The following FLACC1 variants were observed in gnomAD, a reference collection of about 807,000 sequenced individuals.
The protein encoded by FLACC1 is flagellum associated containing coiled-coil domains 1, also known as flagellum-associated coiled-coil domain-containing protein 1.
FLACC1 carries 66 observed loss-of-function variants against 62.8 expected under a neutral mutation model. The observed-to-expected ratio is 1.05, with a 90% CI of 0.86 to 1.29. The LOEUF (loss-of-function observed/expected upper bound fraction) is 1.29. FLACC1 is among the 50% of genes most tolerant of loss of function. The probability of loss-of-function intolerance (pLI) is 0.00; values close to 1 mark genes in which losing one functional copy is unlikely to be tolerated. For synonymous variants in FLACC1, 156 were observed against 161.0 expected, an observed-to-expected ratio of 0.97 and a Z score of 0.24; for missense variants, 452 against 489.1, an observed-to-expected ratio of 0.92 and a Z score of 0.71.
chr2:201,306,706 T>TG (rs1218508698), intron 11 of FLACC1, among the ~76,000 whole-genome samples: 1 of 152,204 alleles, frequency 6.6e-6, no homozygotes, highest in East Asian at 1.9e-4. Context: ...TTAAAGCTTC[T>TG]GTATATCGAA....
chr2:201,329,017 T>G (rs951769200), intron 9 of FLACC1, among the ~76,000 whole-genome samples: 1 of 152,208 alleles, frequency 6.6e-6, no homozygotes, highest in Admixed American at 6.5e-5. Flanking sequence ...AATTCTCTCC[T>G]GTCCCTTTGT....
chr2:201,312,696 T>C (rs1241957516), intron 9 of FLACC1, among the ~76,000 whole-genome samples: 1 of 152,078 alleles, frequency 6.6e-6, no homozygotes, highest in African/African-American at 2.4e-5. Flanking sequence ...GCTACAGAGA[T>C]GGTGGACGGG....
In FLACC1 at chr2:201,288,559, T is replaced by C; in HGVS notation, c.*96A>G. On this transcript the variant is annotated 3_prime_UTR_variant, in exon 15 of 15. Transcript: ENST00000392257. ...CAGAGCAACCCAAGAACTAAACTCA[T>C]TATATGCATTTTCTCAAGAAAACCC... is the stretch of plus-strand genomic sequence containing the variant. 6.9e-7 allele frequency: 1 copy of C among 1,453,332 alleles called. No individual in the cohort carries two copies. Among genetic ancestry groups the C allele is most frequent in the South Asian group, 1.3e-5 (1 of 76,580 alleles). 90.0% of individuals were successfully genotyped at this position (1,453,332 alleles called of 1,614,324 possible). A position where few individuals can be genotyped will look rare whatever the true frequency, so the allele number is the denominator to read the frequency against.
At chr2:201,354,441 A>T (rs1051805550) in intron 1 of FLACC1, among the ~76,000 whole-genome samples, 26 of 152,192 alleles carry the variant, frequency 1.7e-4, no homozygotes, top group Non-Finnish European at 3.8e-4. Flanking sequence ...GGTCAGGGCT[A>T]GAAAGGAGTC....
At chr2:201,332,292 A>G (rs2125595503) in intron 7 of FLACC1, among the ~76,000 whole-genome samples, 1 of 151,672 alleles carries the variant, frequency 6.6e-6, no homozygotes, top group South Asian at 2.1e-4. Flanking sequence ...TCTGTCCCCC[A>G]GGCTGGAGTG....
chr2:201,356,804 G>T (rs1244725785), intron 1 of FLACC1, among the ~76,000 whole-genome samples, 178 bp downstream of exon 1: 1 of 132,426 alleles, frequency 7.6e-6, no homozygotes, highest in Non-Finnish European at 1.7e-5. Flanking sequence ...GTGTGAGTGT[G>T]TGTAAGGATT....
intron 12 of FLACC1, among the ~76,000 whole-genome samples, chr2:201,295,195 G>A (rs571105333): frequency 9.9e-5 from 15 of 152,222 alleles, no homozygotes; most frequent in East Asian, 9.6e-4. Flanking sequence ...AAAAGAGCCC[G>A]CATTGCCAAG....
rs575797470 is a variant in FLACC1, at chr2:201,314,461, T to G, written c.676-5211A>C. On this transcript the variant is annotated intron_variant, in intron 9 of 14. Transcript: ENST00000392257. ...AGAACTCAGAGCCTGAAGACAAGGT[T>G]TTTGAATTAACCCAATCCAACAAAG... Among the ~76,000 whole-genome samples the G allele has an allele frequency of 4.6e-5, 7 of 152,266 alleles. No homozygotes were observed. The East Asian group carries it at 1.4e-3, about 29-fold the overall frequency.
In FLACC1 at chr2:201,344,066, C is replaced by A. The variant is rs1272658651; in HGVS notation, c.462+104G>T. The A allele has an allele frequency of 4.0e-5, 38 of 951,422 alleles. No individual in the cohort carries two copies. In the East Asian group the frequency reaches 9.1e-4, roughly 23 times the overall value. 58.9% of individuals were successfully genotyped at this position (951,422 alleles called of 1,614,324 possible). On this transcript the variant is annotated intron_variant, in intron 6 of 14. Coordinates refer to ENST00000392257, the MANE Select transcript of FLACC1 (RefSeq NM_001127391.3). ...GGGTCCTGTCACCTGGACAACATGG[C>A]TCATATGAGTAAAGTGCTTGGCATT...
chr2:201,297,127 G>A (rs1388347501), intron 12 of FLACC1, among the ~76,000 whole-genome samples: 8 of 152,098 alleles, frequency 5.3e-5, no homozygotes, highest in Non-Finnish European at 1.2e-4. Context: ...GACAATTTGG[G>A]GGCTAAATCT....
intron 14 of FLACC1, 69 bp from the exon 15 acceptor site, chr2:201,288,850 T>C (rs1949655721): frequency 1.9e-6 from 3 of 1,557,044 alleles, no homozygotes; most frequent in East Asian, 2.3e-5. Flanking sequence ...ATATTTGGAG[T>C]GCAGGGAGAG....
chr2:201,297,361 G>A (rs1383405899), intron 12 of FLACC1, among the ~76,000 whole-genome samples: 1 of 152,074 alleles, frequency 6.6e-6, no homozygotes, highest in Non-Finnish European at 1.5e-5. Flanking sequence ...GAAGATAAGT[G>A]GGGCCTGGGA....
chr2:201,330,518 C>A lies in FLACC1; in HGVS notation c.627G>T (p.Glu209Asp), dbSNP rs1240395554. 2 of 1,613,746 alleles carry A rather than the reference C, an allele frequency of 1.2e-6. No individual in the cohort carries two copies. The highest frequency in any genetic ancestry group is 1.1e-5 in the South Asian group (1 of 91,022). ...EKLAAQEKLE[E>D]MGKEYKYLKN... ...TCAAATACTTGTATTCTTTTCCCAT[C>A]TCCTCTGGATAAAAGGAAAACAACA... The change falls in exon 9 of 15, where the codon GAG (glutamate) becomes GAT (aspartate). Residue 209 changes from glutamate (E) to aspartate (D), a missense_variant. By Grantham distance (45) the Glu-to-Asp change is conservative (BLOSUM62 2). Around this residue, in one of 3 missense-constraint regions of FLACC1, gnomAD observed 301 missense variants for 318.4 expected, o/e 0.95. Transcript: ENST00000392257.
chr2:201,355,071 C>T (rs542926107), intron 1 of FLACC1, among the ~76,000 whole-genome samples: 2 of 152,146 alleles, frequency 1.3e-5, no homozygotes, highest in East Asian at 1.9e-4. Context: ...GATCACTTGA[C>T]GCCAGGAGTT....
chr2:201,360,536 A>G (rs2125632858), upstream of FLACC1, among the ~76,000 whole-genome samples: 1 of 152,292 alleles, frequency 6.6e-6, no homozygotes, highest in South Asian at 2.1e-4. Flanking sequence ...GAAGCTTGTA[A>G]TTATCTCCAA....
chr2:201,294,110 C>T (rs534853185), intron 12 of FLACC1, among the ~76,000 whole-genome samples: 20 of 152,314 alleles, frequency 1.3e-4, no homozygotes, highest in African/African-American at 4.3e-4. Context: ...GGAGCTGGTA[C>T]CATTCCTTTG....
At chr2:201,299,167 A>G in intron 12 of FLACC1, 71 bp downstream of exon 12, 1 of 1,392,700 alleles carries the variant, frequency 7.2e-7, no homozygotes, top group South Asian at 1.2e-5. Context: ...ATTCCATTAT[A>G]CTGACAGCTT....
chr2:201,320,668 G>A (rs920841497), intron 9 of FLACC1, among the ~76,000 whole-genome samples: 1 of 152,114 alleles, frequency 6.6e-6, no homozygotes, highest in South Asian at 2.1e-4. Context: ...GCTTCCACAG[G>A]GGCTGCTGCT....
At chr2:201,338,377 T>G (rs144008218) in intron 7 of FLACC1, among the ~76,000 whole-genome samples, 95 of 152,330 alleles carry the variant, frequency 6.2e-4, no homozygotes, top group Non-Finnish European at 1.1e-3. Flanking sequence ...CTTTTCCAAT[T>G]TGGATGCCTT....
Sources: allele counts gnomAD v4.1 joint callset (sites outside exome capture counted in the v4.1 genomes callset), GRCh38; gene constraint gnomAD v4.1.1; regional missense constraint gnomAD v4.1.1; transcripts MANE v1.5; gene names NCBI Gene and HGNC (gene_info 2026-07-23, HGNC 2026-07-21).